The following AGTPBP1 variants were observed in gnomAD, a reference collection of about 807,000 sequenced individuals.
The protein encoded by AGTPBP1 is cytosolic carboxypeptidase 1.
AGTPBP1 carries 70 observed loss-of-function variants against 143.9 expected under a neutral mutation model. The ratio of observed to expected loss-of-function variants is 0.49; its 90% CI spans 0.40 to 0.59. AGTPBP1 has a LOEUF of 0.59. Among genes scored for constraint, AGTPBP1 ranks in the 20% least tolerant of loss-of-function variants. The probability of loss-of-function intolerance (pLI) is 0.00; values close to 1 mark genes in which losing one functional copy is unlikely to be tolerated. For missense variants in AGTPBP1, 1,229 were observed against 1,464.5 expected, an observed-to-expected ratio of 0.84 and a Z score of 2.62; for synonymous variants, 463 against 500.2, an observed-to-expected ratio of 0.93 and a Z score of 0.99.
At chr9:85,795,947 C>T in the AGTPBP1 span, among the ~76,000 whole-genome samples, 23 of 135,626 alleles carry the variant, frequency 1.7e-4, no homozygotes, top group African/African-American at 6.5e-4. Context: ...TATGCAATGA[C>T]CTTGGAACGA....
intron 11 of AGTPBP1, among the ~76,000 whole-genome samples, chr9:85,654,888 A>G (rs1413696403): frequency 6.6e-6 from 1 of 152,124 alleles, no homozygotes; most frequent in East Asian, 1.9e-4. Flanking sequence ...GCTATCAAAT[A>G]ATATTCCTAT....
intron 9 of AGTPBP1, among the ~76,000 whole-genome samples, chr9:85,658,097 C>T (rs1017995070): frequency 2.0e-5 from 3 of 152,036 alleles, no homozygotes; most frequent in Non-Finnish European, 2.9e-5. Context: ...CTGAAATAAA[C>T]CCTATTGAAT....
chr9:85,673,854 C>T (rs1271975098), intron 6 of AGTPBP1, among the ~76,000 whole-genome samples: 3 of 152,076 alleles, frequency 2.0e-5, no homozygotes, highest in Non-Finnish European at 2.9e-5. Flanking sequence ...GGCGCGGTGG[C>T]TCACGCCTGT....
chr9:85,743,062 TC>T (rs1319427145), upstream of AGTPBP1, among the ~76,000 whole-genome samples: 1 of 152,202 alleles, frequency 6.6e-6, no homozygotes, highest in Non-Finnish European at 1.5e-5. Context: ...CATCGTAGTT[TC>T]CCTCATCGTG....
intron 25 of AGTPBP1, among the ~76,000 whole-genome samples, chr9:85,570,205 G>A (rs1274616708): frequency 6.6e-6 from 1 of 152,204 alleles, no homozygotes; most frequent in Admixed American, 6.5e-5. Context: ...GTCCCAGGTG[G>A]AATGGAGTGG....
At chr9:85,771,941 G>A in the AGTPBP1 span, among the ~76,000 whole-genome samples, 1 of 151,146 alleles carries the variant, frequency 6.6e-6, no homozygotes, top group Admixed American at 6.6e-5. Flanking sequence ...TTACAGGCGT[G>A]AGCCACCGCG....
chr9:85,657,779 A>G lies in AGTPBP1; in HGVS notation c.701-136T>C, dbSNP rs571955537. The G allele has an allele frequency of 5.4e-4, 305 of 561,268 alleles. 4 individuals carry two copies. The Middle Eastern group carries it at 5.7e-3, about 11-fold the overall frequency. 34.8% of individuals were successfully genotyped at this position (561,268 alleles called of 1,614,324 possible). On this transcript the variant is annotated intron_variant, in intron 9 of 25. Coordinates refer to ENST00000357081, the MANE Select transcript of AGTPBP1 (RefSeq NM_001330701.2). Reference sequence around the variant, plus strand: ...TTTTTCCAAAACAAATGACAAGCACATATTTATATTTTTTCTAACAAAATA... The same window carrying G: ...TTTTTCCAAAACAAATGACAAGCACGTATTTATATTTTTTCTAACAAAATA...
At chr9:85,683,783 T>C (rs979483448) in intron 3 of AGTPBP1, among the ~76,000 whole-genome samples, 19 of 152,178 alleles carry the variant, frequency 1.2e-4, no homozygotes, top group Non-Finnish European at 7.4e-5. Flanking sequence ...TTATGGCCCA[T>C]AACCTCCTAA....
At chr9:85,780,240 G>A in the AGTPBP1 span, among the ~76,000 whole-genome samples, 1 of 148,808 alleles carries the variant, frequency 6.7e-6, no homozygotes, top group East Asian at 1.9e-4. Context: ...TGGAGACAAT[G>A]TTAGACATTC....
At chr9:85,624,452 A>C (rs192872328) in intron 14 of AGTPBP1, among the ~76,000 whole-genome samples, 131 of 152,326 alleles carry the variant, frequency 8.6e-4, no homozygotes, top group Non-Finnish European at 1.7e-3. Context: ...CTTTATATGC[A>C]TATATACACT....
At chr9:85,762,735 C>T in the AGTPBP1 span, among the ~76,000 whole-genome samples, 1 of 149,876 alleles carries the variant, frequency 6.7e-6, no homozygotes, top group Admixed American at 6.7e-5. Flanking sequence ...CAAACCTGCA[C>T]ATTGTGCACA....
chr9:85,589,822 A>G (rs984362973), intron 19 of AGTPBP1, 141 bp from the exon 20 acceptor site: 1 of 787,108 alleles, frequency 1.3e-6, no homozygotes, highest in African/African-American at 1.8e-5. Flanking sequence ...GGCCAGATGT[A>G]GCCTAAACAT....
At chr9:85,804,748 G>C in the AGTPBP1 span, among the ~76,000 whole-genome samples, 1 of 152,216 alleles carries the variant, frequency 6.6e-6, no homozygotes, top group East Asian at 1.9e-4. Context: ...AGAACCAAGG[G>C]AGATAACGTC....
At chr9:85,615,987 A>C (rs1271405184) in intron 17 of AGTPBP1, among the ~76,000 whole-genome samples, 3 of 146,346 alleles carry the variant, frequency 2.0e-5, no homozygotes, top group African/African-American at 5.2e-5. Flanking sequence ...TAACCAGAAA[A>C]AAATGCTGAT....
intron 17 of AGTPBP1, among the ~76,000 whole-genome samples, chr9:85,617,441 G>A (rs11141035): frequency 0.054 from 8,232 of 152,122 alleles, 250 homozygotes; most frequent in African/African-American, 0.096. Flanking sequence ...GAAACTTGAT[G>A]CTTCAATTTT....
At chr9:85,566,529 C>CCAAAA (rs1827110049) in intron 25 of AGTPBP1, among the ~76,000 whole-genome samples, 1 of 78,548 alleles carries the variant, frequency 1.3e-5, no homozygotes, top group Non-Finnish European at 2.3e-5. Flanking sequence ...GACCATGTCT[C>CCAAAA]AAAAAAAAAA....
chr9:85,672,346 G>T (rs1480951578), intron 7 of AGTPBP1, among the ~76,000 whole-genome samples: 1 of 151,954 alleles, frequency 6.6e-6, no homozygotes, highest in Non-Finnish European at 1.5e-5. Flanking sequence ...TGGGATTACA[G>T]GCATGAGCCA....
rs367662080 is a variant in AGTPBP1 at position 85,679,249 on chromosome 9, A to G, written c.226-851T>C. On this transcript the variant is annotated intron_variant, in intron 4 of 25. Transcript: ENST00000357081. ...TTGGACAACTAATCTAATAAGTGAA[A>G]ATGTTTAAACACTGTACTTTGGTTT... Among the ~76,000 whole-genome samples the G allele has an allele frequency of 1.5e-4, 23 of 152,314 alleles. 1 individual carries two copies. The highest frequency in any genetic ancestry group is 5.5e-4 in the African/African-American group (23 of 41,566).
chr9:85,716,796 C>G (rs1837732498), intron 1 of AGTPBP1, among the ~76,000 whole-genome samples: 1 of 152,122 alleles, frequency 6.6e-6, no homozygotes, highest in Non-Finnish European at 1.5e-5. Context: ...ATTTTTGTCA[C>G]TACTCTGCTC....
Sources: gnomAD v4.1 joint callset for allele counts (sites outside exome capture counted in the v4.1 genomes callset) on GRCh38, gnomAD v4.1.1 for gene constraint, MANE v1.5 for transcripts, NCBI Gene and HGNC (gene_info 2026-07-23, HGNC 2026-07-21) for gene names.